The following CAMKMT variants were observed in gnomAD, a reference collection of about 807,000 sequenced individuals.
CAMKMT encodes the protein CaM KMT.
A neutral mutation model predicts 48.0 loss-of-function variants in CAMKMT; 53 were observed. The observed-to-expected ratio is 1.10, with a 90% CI of 0.89 to 1.39. The LOEUF (loss-of-function observed/expected upper bound fraction) is 1.39. Ranked by LOEUF, CAMKMT falls within the 40% of genes most tolerant of loss-of-function variation. CAMKMT has a pLI of 0.00. For missense variants in CAMKMT, 428 were observed against 402.7 expected (o/e 1.06, Z -0.54); for synonymous variants, 165 against 152.3 (o/e 1.08, Z -0.61).
chr2:44,687,545 G>A (rs1676405810), intron 3 of CAMKMT, among the ~76,000 whole-genome samples: 1 of 152,196 alleles, frequency 6.6e-6, no homozygotes, highest in Admixed American at 6.5e-5. Context: ...TGGCCTCACA[G>A]TTTGGACTGG....
intron 3 of CAMKMT, among the ~76,000 whole-genome samples, chr2:44,567,943 C>T (rs1668703039): frequency 6.6e-6 from 1 of 152,012 alleles, no homozygotes; most frequent in Admixed American, 6.6e-5. Flanking sequence ...TAAAATGCTA[C>T]TCCTGTTCTT....
intron 3 of CAMKMT, among the ~76,000 whole-genome samples, chr2:44,661,310 CTTTT>C (rs764984677): frequency 1.1e-5 from 1 of 89,178 alleles, no homozygotes. Context: ...TGTGAGCAGC[CTTTT>C]TTTTTTTTTT....
intron 2 of CAMKMT, among the ~76,000 whole-genome samples, chr2:44,376,242 C>T (rs560227708): frequency 7.9e-5 from 12 of 151,862 alleles, no homozygotes; most frequent in African/African-American, 2.4e-4. Context: ...GAAACCCTGT[C>T]TCTACTAAAA....
chr2:44,559,787 C>T (rs1225659844), intron 3 of CAMKMT, among the ~76,000 whole-genome samples: 4 of 152,128 alleles, frequency 2.6e-5, no homozygotes, highest in African/African-American at 7.2e-5. Flanking sequence ...CATTTTATGA[C>T]TATTCAGAAT....
chr2:44,546,202 C>CACACAT (rs1205658214), intron 3 of CAMKMT, among the ~76,000 whole-genome samples: 4 of 138,924 alleles, frequency 2.9e-5, no homozygotes, highest in African/African-American at 7.5e-5. Flanking sequence ...CACACACACA[C>CACACAT]ATACATGCAC....
At chr2:44,369,193 C>T (rs1477746144) in intron 1 of CAMKMT, among the ~76,000 whole-genome samples, 1 of 152,040 alleles carries the variant, frequency 6.6e-6, no homozygotes, top group Non-Finnish European at 1.5e-5. Context: ...CAAGACCCTG[C>T]TTTTGATTAA....
intron 3 of CAMKMT, among the ~76,000 whole-genome samples, chr2:44,402,301 C>CTTGGG (rs1486275406): frequency 1.4e-5 from 1 of 70,156 alleles, no homozygotes; most frequent in African/African-American, 3.5e-5. Context: ...TGCACCCCAG[C>CTTGGG]TTGGGTGACA....
At position 44,361,977 on chromosome 2, in the gene CAMKMT, G is replaced by T; in HGVS notation, c.-31G>T. 1 of 1,363,676 alleles carries T rather than the reference G, an allele frequency of 7.3e-7. No individual in the cohort carries two copies. The highest frequency in any genetic ancestry group is 9.4e-7 in the Non-Finnish European group (1 of 1,061,992). 84.5% of individuals were successfully genotyped at this position (1,363,676 alleles called of 1,614,324 possible). ...CTGGCAGGGGACGAGCTGCGGCGGT[G>T]GCACCTCCGGGTGTGGAAGGCTCCA... On this transcript the variant is annotated 5_prime_UTR_variant, in exon 1 of 11. Coordinates refer to ENST00000378494, the MANE Select transcript of CAMKMT (RefSeq NM_024766.5).
chr2:44,641,829 A>G (rs1673467558), intron 3 of CAMKMT, among the ~76,000 whole-genome samples: 1 of 152,190 alleles, frequency 6.6e-6, no homozygotes, highest in African/African-American at 2.4e-5. Flanking sequence ...AAGTGCTGGG[A>G]TTATAGGCGT....
chr2:44,448,997 G>A (rs1667152251), intron 3 of CAMKMT, among the ~76,000 whole-genome samples: 1 of 152,098 alleles, frequency 6.6e-6, no homozygotes, highest in African/African-American at 2.4e-5. Flanking sequence ...GAGTATGGAC[G>A]GAATGGGGTT....
At chr2:44,627,837 C>A (rs577261519) in intron 3 of CAMKMT, among the ~76,000 whole-genome samples, 2 of 148,816 alleles carry the variant, frequency 1.3e-5, no homozygotes, top group Non-Finnish European at 3.0e-5. Context: ...GTAGCTGGGA[C>A]TACATATGCG....
intron 3 of CAMKMT, among the ~76,000 whole-genome samples, chr2:44,510,332 A>G (rs1170421528): frequency 6.6e-6 from 1 of 152,172 alleles, no homozygotes; most frequent in African/African-American, 2.4e-5. Flanking sequence ...ATTTGAGTTC[A>G]TCTGATGTCT....
Position 44,558,034 on chromosome 2 carries a change from T to C in CAMKMT, c.377-146249T>C, listed in dbSNP as rs67762538. Among the ~76,000 whole-genome samples the C allele has an allele frequency of 2.1e-3, 302 of 143,972 alleles. 1 individual carries two copies. The highest frequency in any genetic ancestry group is 0.017 in the Middle Eastern group (5 of 286). 94.5% of individuals were successfully genotyped at this position (143,972 alleles called of 152,430 possible). On this transcript the variant is annotated intron_variant, in intron 3 of 10. Coordinates refer to ENST00000378494, the MANE Select transcript of CAMKMT (RefSeq NM_024766.5). ...CTATTGTGAGTTTTATTTATTTATT[T>C]ATTCATTCATTCATTCATTCATTCA... is the stretch of plus-strand genomic sequence containing the variant.
chr2:44,726,216 T>C (rs1292273767), intron 7 of CAMKMT, among the ~76,000 whole-genome samples: 1 of 152,196 alleles, frequency 6.6e-6, no homozygotes, highest in African/African-American at 2.4e-5. Flanking sequence ...CAGCTTTCCA[T>C]GGTGGTTGAA....
chr2:44,631,651 C>A, intron 3 of CAMKMT: 1 of 422,176 alleles, frequency 2.4e-6, no homozygotes, highest in Non-Finnish European at 4.1e-6. Flanking sequence ...GGATTTTGAG[C>A]CCATCTGACA....
chr2:44,651,359 G>A (rs1190006407), intron 3 of CAMKMT, among the ~76,000 whole-genome samples: 2 of 152,182 alleles, frequency 1.3e-5, no homozygotes, highest in Admixed American at 6.5e-5. Context: ...ATGACCTGTG[G>A]CAACATGAAG....
chr2:44,732,500 T>A (rs1679131799), intron 7 of CAMKMT, among the ~76,000 whole-genome samples: 1 of 152,228 alleles, frequency 6.6e-6, no homozygotes, highest in Non-Finnish European at 1.5e-5. Flanking sequence ...TGTTATGCTT[T>A]AGATGGTAAA....
At chr2:44,621,917 T>C (rs1182545015) in intron 3 of CAMKMT, among the ~76,000 whole-genome samples, 1 of 152,188 alleles carries the variant, frequency 6.6e-6, no homozygotes, top group African/African-American at 2.4e-5. Context: ...ATTTGGATTG[T>C]GGTGGTGGCA....
intron 3 of CAMKMT, among the ~76,000 whole-genome samples, chr2:44,535,365 A>G (rs1666714361): frequency 6.6e-6 from 1 of 152,204 alleles, no homozygotes; most frequent in Non-Finnish European, 1.5e-5. Context: ...AAGAGGAGGG[A>G]ATACTCCCCG....
Sources: allele counts gnomAD v4.1 joint callset (sites outside exome capture counted in the v4.1 genomes callset), GRCh38; gene constraint gnomAD v4.1.1; transcripts MANE v1.5; gene names NCBI Gene and HGNC (gene_info 2026-07-23, HGNC 2026-07-21).